SLC17A8: variants seen among roughly 807,000 people sequenced by gnomAD.
SLC17A8 encodes vesicular glutamate transporter 3.
SLC17A8 carries 31 observed loss-of-function variants against 58.0 expected under a neutral mutation model. That is an observed-to-expected ratio of 0.53 (90% CI 0.40 to 0.72). The LOEUF (loss-of-function observed/expected upper bound fraction) is 0.72. Ranked by LOEUF, SLC17A8 falls within the 30% of genes least tolerant of loss-of-function variation. The probability of loss-of-function intolerance (pLI) is 0.00; values close to 1 mark genes in which losing one functional copy is unlikely to be tolerated. For synonymous variants in SLC17A8, 228 were observed against 249.0 expected, an observed-to-expected ratio of 0.92 and a Z score of 0.79; for missense variants, 655 against 727.8, an observed-to-expected ratio of 0.90 and a Z score of 1.15.
chr12:100,361,086 CA>C (rs1952481164), intron 1 of SLC17A8, among the ~76,000 whole-genome samples: 1 of 152,158 alleles, frequency 6.6e-6, no homozygotes, highest in African/African-American at 2.4e-5. Context: ...TCCTGGGTTC[CA>C]ACTGCTGCAA....
intron 1 of SLC17A8, among the ~76,000 whole-genome samples, chr12:100,378,210 T>C (rs913477754): frequency 5.9e-5 from 9 of 152,124 alleles, no homozygotes; most frequent in African/African-American, 2.2e-4. Flanking sequence ...CTATAAGAGA[T>C]AAAACAGAAG....
intron 1 of SLC17A8, among the ~76,000 whole-genome samples, chr12:100,371,535 GT>G (rs1031939120): frequency 6.6e-6 from 1 of 151,984 alleles, no homozygotes. Context: ...CCTTGGGCAA[GT>G]TTTTTTTGTT....
chr12:100,366,461 A>C (rs1045041481), intron 1 of SLC17A8, among the ~76,000 whole-genome samples: 2 of 152,210 alleles, frequency 1.3e-5, no homozygotes, highest in African/African-American at 4.8e-5. Flanking sequence ...GAGGAAGAAT[A>C]GTGCTATAAA....
chr12:100,379,501 G>A (rs544324759), intron 1 of SLC17A8, among the ~76,000 whole-genome samples: 1 of 150,836 alleles, frequency 6.6e-6, no homozygotes, highest in Admixed American at 6.6e-5. Flanking sequence ...AATGACTTGT[G>A]TTTTATCCAA....
chr12:100,416,808 A>G (rs1268388324), intron 10 of SLC17A8, among the ~76,000 whole-genome samples: 1 of 152,198 alleles, frequency 6.6e-6, no homozygotes, highest in South Asian at 2.1e-4. Flanking sequence ...ATTTAACTTA[A>G]TTCCTACATC....
chr12:100,391,098 CA>C lies in SLC17A8; in HGVS notation c.455del (p.Asn152ThrfsTer15). ...ACACAAATTCCAGGTGGTTTCATTT[CA>C]AACAAGTTTGCTGCTAACAGGTAAG... is the stretch of plus-strand genomic sequence containing the variant. ...IMTQIPGGFI[S>X]NKFAANRVFG... is the part of the protein sequence containing the mutation. On this transcript the variant is annotated frameshift_variant, in exon 3 of 12. Transcript: ENST00000323346. LOFTEE classifies it high-confidence loss of function. 6.2e-7 allele frequency: 1 copy of C among 1,612,108 alleles called. No homozygotes were observed. Among genetic ancestry groups the C allele is most frequent in the Non-Finnish European group, 8.5e-7 (1 of 1,178,276 alleles).
chr12:100,393,376 G>A lies in SLC17A8; in HGVS notation c.481G>A (p.Gly161Arg). The A allele has an allele frequency of 6.2e-7, 1 of 1,613,178 alleles. No homozygotes were observed. The highest frequency in any genetic ancestry group is 8.5e-7 in the Non-Finnish European group (1 of 1,179,232). ...AATGCTTTGGTCCCCCAGGGTCTTT[G>A]GAGCTGCCATCTTCTTAACATCGAC... ...SNKFAANRVF[G>R]AAIFLTSTLN... Residue 161 changes from glycine (G) to arginine (R), a missense_variant, in exon 4 of 12, where the codon GGA becomes AGA. Transcript: ENST00000323346.
rs117949600 is a variant in SLC17A8 at position 100,361,569 on chromosome 12, G to C, written c.101+4077G>C. ...CTTTACTTCACCTCTGTCTTAGGTAGGTTCCCTAAAAAGCACAGCCTGAGA... is the reference window on the plus strand; with the variant it reads ...CTTTACTTCACCTCTGTCTTAGGTACGTTCCCTAAAAAGCACAGCCTGAGA... On this transcript the variant is annotated intron_variant, in intron 1 of 11. Coordinates refer to ENST00000323346, the MANE Select transcript of SLC17A8 (RefSeq NM_139319.3). 2.3e-3 allele frequency among the ~76,000 whole-genome samples: 349 copies of C among 152,270 alleles called. 5 individuals are homozygous for C. The East Asian group carries it at 0.04, about 17-fold the overall frequency.
intron 1 of SLC17A8, among the ~76,000 whole-genome samples, chr12:100,380,164 A>G (rs929518810): frequency 6.8e-6 from 1 of 147,476 alleles, no homozygotes; most frequent in African/African-American, 2.5e-5. Context: ...GTGCCATTGC[A>G]TTCCAGCCTG....
chr12:100,360,546 C>T (rs1952477937), intron 1 of SLC17A8, among the ~76,000 whole-genome samples: 2 of 152,142 alleles, frequency 1.3e-5, no homozygotes, highest in Admixed American at 1.3e-4. Flanking sequence ...GCCATACTGC[C>T]TCCTTGGCCT....
intron 10 of SLC17A8, among the ~76,000 whole-genome samples, chr12:100,414,926 G>A (rs926718258): frequency 6.6e-6 from 1 of 152,170 alleles, no homozygotes; most frequent in African/African-American, 2.4e-5. Flanking sequence ...GCTGCTGCAG[G>A]GCAGTCCACA....
rs1402714849 is a variant in SLC17A8, at chr12:100,412,846, A to T, written c.1263A>T (p.Val421=). 4 of 1,613,988 alleles carry T rather than the reference A, an allele frequency of 2.5e-6. No homozygotes were observed. In the South Asian group the frequency reaches 3.3e-5, roughly 13 times the overall value. Residue 421 remains valine (V), a synonymous_variant, in exon 10 of 12, where the codon GTA becomes GTT. Coordinates refer to ENST00000323346, the MANE Select transcript of SLC17A8 (RefSeq NM_139319.3). ...HTKGVAISFL[V]LAVGFSGFAI... is the part of the protein sequence containing the mutation. ...AAGGGGTGGCTATCTCCTTTCTGGT[A>T]CTTGCTGTAGGATTTAGTGGCTTCG...
At chr12:100,399,738 A>T (rs2136002728) in intron 5 of SLC17A8, among the ~76,000 whole-genome samples, 1 of 152,258 alleles carries the variant, frequency 6.6e-6, no homozygotes, top group East Asian at 1.9e-4. Context: ...ACACATGGGG[A>T]TTACAATTTG....
intron 9 of SLC17A8, among the ~76,000 whole-genome samples, chr12:100,412,264 A>G (rs1312595260): frequency 4.6e-5 from 7 of 152,158 alleles, no homozygotes; most frequent in Non-Finnish European, 7.3e-5. Context: ...TGTAGTCATG[A>G]AAGTCCTGGG....
intron 1 of SLC17A8, among the ~76,000 whole-genome samples, chr12:100,365,153 T>C (rs1214117422): frequency 6.6e-6 from 1 of 152,170 alleles, no homozygotes; most frequent in African/African-American, 2.4e-5. Flanking sequence ...ACTTCTCAGG[T>C]CTGATAGAAC....
chr12:100,396,312 T>G lies in SLC17A8; in HGVS notation c.589-18T>G. 1 of 1,603,620 alleles carries G rather than the reference T, an allele frequency of 6.2e-7. No individual in the cohort carries two copies. Among genetic ancestry groups the G allele is most frequent in the Non-Finnish European group, 8.5e-7 (1 of 1,170,490 alleles). ...ACTACAGTCAAATCAACTAATCTAT[T>G]TTCAACTCTTCTGCCAGGGTGTGAC... On this transcript the variant is annotated intron_variant, in intron 4 of 11. Coordinates refer to ENST00000323346, the MANE Select transcript of SLC17A8 (RefSeq NM_139319.3).
chr12:100,376,527 C>T (rs185800874), intron 1 of SLC17A8, among the ~76,000 whole-genome samples: 9 of 152,330 alleles, frequency 5.9e-5, no homozygotes, highest in Admixed American at 5.2e-4. Flanking sequence ...TATCTTGCCT[C>T]TACCCACTAA....
chr12:100,358,936 G>T (rs975006742), intron 1 of SLC17A8, among the ~76,000 whole-genome samples: 13 of 152,140 alleles, frequency 8.5e-5, no homozygotes, highest in Non-Finnish European at 1.5e-4. Flanking sequence ...GAGGCCAGAA[G>T]TTCGAGACTA....
At chr12:100,395,768 A>G (rs1237129047) in intron 4 of SLC17A8, among the ~76,000 whole-genome samples, 1 of 151,752 alleles carries the variant, frequency 6.6e-6, no homozygotes, top group African/African-American at 2.4e-5. Context: ...ATGCACCACC[A>G]TGCCCAACTA....
Sources: gnomAD v4.1 joint callset for allele counts (sites outside exome capture counted in the v4.1 genomes callset) on GRCh38, gnomAD v4.1.1 for gene constraint, MANE v1.5 for transcripts, NCBI Gene and HGNC (gene_info 2026-07-23, HGNC 2026-07-21) for gene names.